The following PCSK5 variants were observed in gnomAD, a reference collection of about 807,000 sequenced individuals.
The protein encoded by PCSK5 is prohormone convertase 5.
A neutral mutation model predicts 233.2 loss-of-function variants in PCSK5; 129 were observed. The observed-to-expected ratio is 0.55, with a 90% CI of 0.48 to 0.64. PCSK5 has a LOEUF of 0.64. Ranked by LOEUF, PCSK5 falls within the 30% of genes least tolerant of loss-of-function variation. The pLI, the probability that PCSK5 is intolerant of heterozygous loss-of-function variation, is 0.00. For missense variants in PCSK5, 2,076 were observed against 2,430.1 expected, an observed-to-expected ratio of 0.85 and a Z score of 3.06; for synonymous variants, 825 against 879.2, an observed-to-expected ratio of 0.94 and a Z score of 1.09.
chr9:76,164,629 G>A (rs1251415028), intron 12 of PCSK5, among the ~76,000 whole-genome samples: 1 of 152,130 alleles, frequency 6.6e-6, no homozygotes, highest in Non-Finnish European at 1.5e-5. Context: ...AAGCTCCCAG[G>A]TGATCCTGAA....
intron 2 of PCSK5, among the ~76,000 whole-genome samples, chr9:75,954,452 G>A (rs1211458054): frequency 1.3e-5 from 2 of 152,118 alleles, no homozygotes. Flanking sequence ...AACTGATGAG[G>A]CACCCAGGAA....
chr9:76,277,899 G>C (rs1048284877), intron 24 of PCSK5, among the ~76,000 whole-genome samples: 4 of 152,156 alleles, frequency 2.6e-5, no homozygotes, highest in African/African-American at 9.7e-5. Flanking sequence ...TTATCTTCGG[G>C]TGGACTGAAA....
intron 8 of PCSK5, among the ~76,000 whole-genome samples, chr9:76,103,699 G>A (rs1270796324): frequency 6.6e-6 from 1 of 152,170 alleles, no homozygotes. Context: ...CTGATCCTGA[G>A]AGACGCTGAA....
intron 37 of PCSK5, among the ~76,000 whole-genome samples, chr9:76,357,401 T>A (rs1830328471): frequency 1.3e-5 from 2 of 152,016 alleles, no homozygotes; most frequent in South Asian, 4.1e-4. Flanking sequence ...CCTGTAGTCC[T>A]AGCTACACAG....
chr9:76,351,452 G>GAA lies in PCSK5; in HGVS notation c.5067+526_5067+527dup, dbSNP rs200917232. ...CCCCTGCAATGTGAAAGAAAGGAAA[G>GAA]AAAGAAAGAAAGAAAGAAAGAAAGA... On this transcript the variant is annotated intron_variant, in intron 36 of 37. Transcript: ENST00000674117. 1.6e-4 allele frequency among the ~76,000 whole-genome samples: 4 copies of GAA among 25,014 alleles called. 1 individual carries two copies. The highest frequency in any genetic ancestry group is 3.6e-4 in the Non-Finnish European group (4 of 11,210). The allele number at this position is 25,014 out of a possible 152,430, so 16.4% of individuals were successfully genotyped here.
chr9:75,986,124 C>T lies in PCSK5; in HGVS notation c.298-8C>T, dbSNP rs1222638066. 1 of 1,547,154 alleles carries T rather than the reference C, an allele frequency of 6.5e-7. No individual in the cohort carries two copies. On this transcript the variant is annotated splice_polypyrimidine_tract_variant and splice_region_variant and intron_variant, in intron 2 of 37. Coordinates refer to ENST00000674117, the MANE Select transcript of PCSK5 (RefSeq NM_001372043.1). The stretch of plus-strand genomic sequence containing the variant: ...ACGTGAATACTCACCAAATGTCCTT[C>T]TTGACAGGTGGAATGGATCCAACAG...
chr9:76,169,905 CAG>C, intron 13 of PCSK5, 65 bp downstream of exon 13: 1 of 1,385,922 alleles, frequency 7.2e-7, no homozygotes, highest in Non-Finnish European at 1.0e-6. Context: ...ATATTTTGGC[CAG>C]AGTGTTTCAC....
Position 76,179,658 on chromosome 9 carries a change from G to T in PCSK5, c.1963G>T (p.Asp655Tyr). Reference sequence around the variant, plus strand: ...CGGGCCAGGACCAGACCACTGCAATGACTGTTTGCACTACTACTACAAGCT... The same window carrying T: ...CGGGCCAGGACCAGACCACTGCAATTACTGTTTGCACTACTACTACAAGCT... ...CDGPGPDHCN[D>Y]CLHYYYKLKN... The change falls in exon 15 of 38, where the codon GAC (aspartate) becomes TAC (tyrosine). Residue 655 changes from aspartate (D) to tyrosine (Y), a missense_variant. Physicochemically the swap from Asp to Tyr is radical, Grantham distance 160. Transcript: ENST00000674117. The T allele has an allele frequency of 6.2e-7, 1 of 1,613,564 alleles. No individual in the cohort carries two copies. The highest frequency in any genetic ancestry group is 1.1e-5 in the South Asian group (1 of 91,036).
intron 5 of PCSK5, among the ~76,000 whole-genome samples, chr9:76,047,675 A>G (rs183199928): frequency 1.3e-5 from 2 of 152,134 alleles, no homozygotes; most frequent in African/African-American, 4.8e-5. Flanking sequence ...TTGGAGAGGC[A>G]GTGTAGGAGG....
intron 20 of PCSK5, among the ~76,000 whole-genome samples, chr9:76,225,604 A>G (rs1291218877): frequency 6.6e-6 from 1 of 152,136 alleles, no homozygotes; most frequent in East Asian, 1.9e-4. Flanking sequence ...GCCTCCTACA[A>G]CAATAGTGGA....
intron 1 of PCSK5, among the ~76,000 whole-genome samples, chr9:75,898,105 CT>C: frequency 6.6e-6 from 1 of 152,282 alleles, no homozygotes; most frequent in Non-Finnish European, 1.5e-5. Context: ...CTACCCTGAC[CT>C]AAACTGACAT....
chr9:76,223,890 T>G (rs1246880626), intron 20 of PCSK5, among the ~76,000 whole-genome samples: 2 of 152,224 alleles, frequency 1.3e-5, no homozygotes, highest in Non-Finnish European at 2.9e-5. Flanking sequence ...TCTGTGTCCT[T>G]GGAATCTGGT....
At chr9:75,958,075 C>T (rs757961418) in intron 2 of PCSK5, among the ~76,000 whole-genome samples, 1 of 152,310 alleles carries the variant, frequency 6.6e-6, no homozygotes, top group East Asian at 1.9e-4. Context: ...GGAACAATGT[C>T]TGCCCTATCT....
At chr9:75,951,213 T>C (rs1824840258) in intron 2 of PCSK5, among the ~76,000 whole-genome samples, 1 of 152,234 alleles carries the variant, frequency 6.6e-6, no homozygotes, top group Non-Finnish European at 1.5e-5. Context: ...GTCACCAGTA[T>C]AGACAATGCT....
At position 76,354,084 on chromosome 9, in the gene PCSK5, G is replaced by A. The variant is rs748271633; in HGVS notation, c.5119G>A (p.Gly1707Arg). ...KCHESCMECK[G>R]PGAKNCTLCP... ...CCACGAGAGCTGCATGGAATGCAAG[G>A]GACCAGGGGCCAAGAACTGCACCTT... is the stretch of plus-strand genomic sequence containing the variant. Residue 1707 changes from glycine (G) to arginine (R), a missense_variant, in exon 37 of 38, where the codon GGA becomes AGA. Coordinates refer to ENST00000674117, the MANE Select transcript of PCSK5 (RefSeq NM_001372043.1). 6.2e-7 allele frequency: 1 copy of A among 1,609,454 alleles called. No homozygotes were observed. The highest frequency in any genetic ancestry group is 1.1e-5 in the South Asian group (1 of 90,072).
intron 2 of PCSK5, among the ~76,000 whole-genome samples, chr9:75,951,537 A>T (rs1328423231): frequency 1.3e-5 from 2 of 152,192 alleles, no homozygotes; most frequent in African/African-American, 4.8e-5. Context: ...AATATGTTAG[A>T]TGCTTCAAAA....
intron 32 of PCSK5, among the ~76,000 whole-genome samples, chr9:76,324,271 C>T (rs933681590): frequency 1.2e-4 from 18 of 151,688 alleles, no homozygotes; most frequent in Admixed American, 6.6e-4. Context: ...CACTCTGTTG[C>T]CCAGGTTGGA....
intron 1 of PCSK5, among the ~76,000 whole-genome samples, chr9:75,902,228 AAAAAAAAAAAAAAAAG>A (rs1185138409): frequency 8.3e-6 from 1 of 120,756 alleles, no homozygotes; most frequent in African/African-American, 2.6e-5. Context: ...AAAAAAAAAA[AAAAAAAAAAAAAAAAG>A]AAAAGGACAA....
chr9:75,909,137 C>A (rs1298964563), intron 1 of PCSK5, among the ~76,000 whole-genome samples: 1 of 151,436 alleles, frequency 6.6e-6, no homozygotes, highest in African/African-American at 2.4e-5. Context: ...CCAGCCTGGC[C>A]AACATGGCGA....
Sources: allele counts gnomAD v4.1 joint callset (sites outside exome capture counted in the v4.1 genomes callset), GRCh38; gene constraint gnomAD v4.1.1; transcripts MANE v1.5; gene names NCBI Gene and HGNC (gene_info 2026-07-23, HGNC 2026-07-21).